The following ASCC1 variants were observed in gnomAD, a reference collection of about 807,000 sequenced individuals.
ASCC1 encodes activating signal cointegrator 1 complex subunit 1, also known as ASC-1 complex subunit P50.
A neutral mutation model predicts 46.6 loss-of-function variants in ASCC1; 35 were observed. The observed-to-expected ratio is 0.75, with a 90% CI of 0.57 to 0.99. The LOEUF (loss-of-function observed/expected upper bound fraction) is 0.99. Among genes scored for constraint, ASCC1 ranks in the 50% least tolerant of loss-of-function variants. The pLI is 0.00. For missense variants in ASCC1, 376 were observed against 428.7 expected, an observed-to-expected ratio of 0.88 and a Z score of 1.09; for synonymous variants, 143 against 146.6, an observed-to-expected ratio of 0.98 and a Z score of 0.18.
At chr10:72,135,165 A>G (rs1221734997) in intron 7 of ASCC1, among the ~76,000 whole-genome samples, 2 of 152,216 alleles carry the variant, frequency 1.3e-5, no homozygotes, top group African/African-American at 4.8e-5. Context: ...AATAGGGGAA[A>G]TGGACAGAAC....
At chr10:72,200,373 G>A (rs987382026) in intron 4 of ASCC1, among the ~76,000 whole-genome samples, 2 of 151,976 alleles carry the variant, frequency 1.3e-5, no homozygotes, top group African/African-American at 4.8e-5. Flanking sequence ...AATTAGGGCT[G>A]GGCGCAGTGG....
intron 9 of ASCC1, among the ~76,000 whole-genome samples, chr10:72,109,602 T>C (rs1057364072): frequency 6.6e-6 from 1 of 152,198 alleles, no homozygotes; most frequent in Non-Finnish European, 1.5e-5. Context: ...GAATTTGGCC[T>C]GAGGCTCACT....
chr10:72,189,265 G>A (rs11819693), intron 5 of ASCC1, among the ~76,000 whole-genome samples: 88 of 151,226 alleles, frequency 5.8e-4, no homozygotes, highest in African/African-American at 2.0e-3. Context: ...AAAATTAGCC[G>A]GGCGGGGTGG....
chr10:72,110,511 G>A lies in ASCC1; in HGVS notation c.958-13061C>T, dbSNP rs555321213. On this transcript the variant is annotated intron_variant, in intron 9 of 9. Coordinates refer to ENST00000672957, the MANE Select transcript of ASCC1 (RefSeq NM_001198800.3). Reference sequence around the variant, plus strand: ...CAGAAGTTAAAGAGCAAATCAGGCCGGGCGCAGTGGCCCATGCCTGTAATC... The same window carrying A: ...CAGAAGTTAAAGAGCAAATCAGGCCAGGCGCAGTGGCCCATGCCTGTAATC... 3.9e-5 allele frequency among the ~76,000 whole-genome samples: 6 copies of A among 152,180 alleles called. No homozygotes were observed. In the South Asian group the frequency reaches 1.0e-3, roughly 26 times the overall value.
chr10:72,148,363 G>C (rs564521478), intron 7 of ASCC1, among the ~76,000 whole-genome samples: 1 of 152,122 alleles, frequency 6.6e-6, no homozygotes, highest in African/African-American at 2.4e-5. Context: ...CTGGAAAAAC[G>C]CACTTGTGAG....
intron 5 of ASCC1, among the ~76,000 whole-genome samples, chr10:72,187,582 C>T (rs951566554): frequency 6.6e-6 from 1 of 151,972 alleles, no homozygotes; most frequent in African/African-American, 2.4e-5. Context: ...TAGCCGGGCA[C>T]AGTGGCGAGC....
intron 5 of ASCC1, among the ~76,000 whole-genome samples, chr10:72,173,153 A>C (rs1427810397): frequency 6.6e-6 from 1 of 151,608 alleles, no homozygotes; most frequent in Non-Finnish European, 1.5e-5. Context: ...GTACCTTTCT[A>C]GACCTGGAAA....
chr10:72,140,769 AG>A (rs1351635638), intron 7 of ASCC1, among the ~76,000 whole-genome samples: 1 of 152,224 alleles, frequency 6.6e-6, no homozygotes, highest in Non-Finnish European at 1.5e-5. Context: ...TGGCTGTGAA[AG>A]GAAGATGGCA....
chr10:72,179,148 T>C (rs1423921914), intron 5 of ASCC1, among the ~76,000 whole-genome samples: 2 of 152,164 alleles, frequency 1.3e-5, no homozygotes, highest in Admixed American at 6.6e-5. Context: ...AGACAGGATC[T>C]TGCCTTGTTG....
chr10:72,202,460 TC>T (rs1856630220), intron 4 of ASCC1, among the ~76,000 whole-genome samples: 1 of 144,808 alleles, frequency 6.9e-6, no homozygotes, highest in African/African-American at 2.8e-5. Context: ...ACAGCAAGAC[TC>T]TGTCTCAAAA....
chr10:72,191,477 T>G (rs566896218), intron 5 of ASCC1, among the ~76,000 whole-genome samples: 1 of 151,580 alleles, frequency 6.6e-6, no homozygotes, highest in African/African-American at 2.4e-5. Flanking sequence ...TAAAATAAAT[T>G]CTTTAAAAGA....
intron 7 of ASCC1, among the ~76,000 whole-genome samples, chr10:72,147,678 T>C (rs1847808657): frequency 6.6e-6 from 1 of 152,222 alleles, no homozygotes; most frequent in Admixed American, 6.5e-5. Flanking sequence ...ATCTATATGT[T>C]CCTTACCCAA....
intron 7 of ASCC1, among the ~76,000 whole-genome samples, chr10:72,138,600 CTTT>C (rs1011535460): frequency 1.9e-5 from 2 of 104,520 alleles, no homozygotes; most frequent in African/African-American, 4.3e-5. Flanking sequence ...TTCTTTCTTT[CTTT>C]TTTTTTTTTT....
chr10:72,136,498 T>C (rs1428960900), intron 7 of ASCC1, among the ~76,000 whole-genome samples: 1 of 152,180 alleles, frequency 6.6e-6, no homozygotes, highest in Non-Finnish European at 1.5e-5. Context: ...CAGCGCTCTG[T>C]GTCTAGCTTA....
At chr10:72,203,301 A>AT in intron 4 of ASCC1, 126 bp downstream of exon 4, 1 of 782,188 alleles carries the variant, frequency 1.3e-6, no homozygotes, top group East Asian at 2.5e-5. Context: ...AAAAAAAAAA[A>AT]GAAAAGAAAA....
At chr10:72,135,707 A>G (rs1319082916) in intron 7 of ASCC1, among the ~76,000 whole-genome samples, 1 of 152,110 alleles carries the variant, frequency 6.6e-6, no homozygotes, top group Non-Finnish European at 1.5e-5. Flanking sequence ...TGGAGGCAGG[A>G]CAGAAGCAGG....
intron 9 of ASCC1, among the ~76,000 whole-genome samples, chr10:72,120,324 G>C (rs1349186137): frequency 2.0e-5 from 3 of 152,116 alleles, no homozygotes; most frequent in African/African-American, 7.2e-5. Flanking sequence ...ACATGGCTGA[G>C]AAAGAATCTC....
intron 8 of ASCC1, among the ~76,000 whole-genome samples, chr10:72,131,114 C>G (rs1406891056): frequency 6.6e-6 from 1 of 152,114 alleles, no homozygotes; most frequent in Non-Finnish European, 1.5e-5. Context: ...TACTACTCCC[C>G]GAAGGAAAGA....
rs1218998809 is a variant in ASCC1, at chr10:72,160,699, T to A, written c.626+839A>T. 4.2e-5 allele frequency among the ~76,000 whole-genome samples: 6 copies of A among 143,310 alleles called. No individual in the cohort carries two copies. In the East Asian group the frequency reaches 1.0e-3, roughly 24 times the overall value. 94.0% of individuals were successfully genotyped at this position (143,310 alleles called of 152,430 possible). On this transcript the variant is annotated intron_variant, in intron 6 of 9. Coordinates refer to ENST00000672957, the MANE Select transcript of ASCC1 (RefSeq NM_001198800.3). Reference sequence around the variant, plus strand: ...GGGTAACAGAGAAAGACCCCGTCCCTAAAAAAAATAAAAATAAAAATAATA... The same window carrying A: ...GGGTAACAGAGAAAGACCCCGTCCCAAAAAAAAATAAAAATAAAAATAATA...
Sources: gnomAD v4.1 joint callset for allele counts (sites outside exome capture counted in the v4.1 genomes callset) on GRCh38, gnomAD v4.1.1 for gene constraint, MANE v1.5 for transcripts, NCBI Gene and HGNC (gene_info 2026-07-23, HGNC 2026-07-21) for gene names.